ARHGAP10: variants seen among roughly 807,000 people sequenced by gnomAD.
The protein encoded by ARHGAP10 is rho GTPase-activating protein 10.
Under a neutral mutation model 108.6 loss-of-function variants are expected in ARHGAP10, and 87 were observed. The ratio of observed to expected loss-of-function variants is 0.80; its 90% CI spans 0.67 to 0.96. The LOEUF (loss-of-function observed/expected upper bound fraction) is 0.96. Among genes scored for constraint, ARHGAP10 ranks in the 40% least tolerant of loss-of-function variants. The probability of loss-of-function intolerance (pLI) is 0.00; values close to 1 mark genes in which losing one functional copy is unlikely to be tolerated. For missense variants in ARHGAP10, 939 were observed against 954.5 expected (o/e 0.98, Z 0.21); for synonymous variants, 347 against 341.1 (o/e 1.02, Z -0.19).
At chr4:147,837,837 G>A (rs1288992909) in intron 3 of ARHGAP10, among the ~76,000 whole-genome samples, 1 of 151,874 alleles carries the variant, frequency 6.6e-6, no homozygotes, top group East Asian at 1.9e-4. Flanking sequence ...GGGGTTTCAA[G>A]TGCTGGGCAG....
intron 1 of ARHGAP10, among the ~76,000 whole-genome samples, chr4:147,811,905 A>G (rs1008412014): frequency 1.3e-5 from 2 of 152,216 alleles, no homozygotes; most frequent in Non-Finnish European, 2.9e-5. Context: ...GGGCACTTTT[A>G]AAAGTCAAGG....
At chr4:147,851,645 G>A (rs1414219859) in intron 4 of ARHGAP10, among the ~76,000 whole-genome samples, 4 of 152,138 alleles carry the variant, frequency 2.6e-5, no homozygotes, top group African/African-American at 9.7e-5. Context: ...TATTGATTTA[G>A]TTTAATTACA....
intron 1 of ARHGAP10, among the ~76,000 whole-genome samples, chr4:147,816,390 T>A (rs951038753): frequency 1.8e-4 from 28 of 152,364 alleles, no homozygotes; most frequent in Middle Eastern, 6.8e-3. Flanking sequence ...TTTTGGGGCC[T>A]ATGCACCTTT....
chr4:148,064,608 CGAGTCTCCCCCTTGATGCTTTG>C (rs1729780764), intron 22 of ARHGAP10, 101 bp downstream of exon 22: 2 of 1,004,980 alleles, frequency 2.0e-6, no homozygotes, highest in Admixed American at 4.4e-5. Flanking sequence ...GTCGGGAGGG[CGAGTCTCCCCCTTGATGCTTTG>C]GACTGGATTA....
intron 19 of ARHGAP10, among the ~76,000 whole-genome samples, chr4:148,029,659 T>G (rs1487182739): frequency 9.9e-5 from 15 of 152,222 alleles, no homozygotes; most frequent in Non-Finnish European, 2.2e-4. Context: ...TTCTCCATGC[T>G]TACCAATTTT....
intron 4 of ARHGAP10, among the ~76,000 whole-genome samples, chr4:147,855,777 C>T (rs773381811): frequency 1.3e-5 from 2 of 151,044 alleles, no homozygotes; most frequent in African/African-American, 2.4e-5. Context: ...AGTCTCTCCT[C>T]CTCCATCAGT....
chr4:147,958,947 A>G (rs1322243556), intron 16 of ARHGAP10, among the ~76,000 whole-genome samples: 2 of 152,150 alleles, frequency 1.3e-5, no homozygotes, highest in African/African-American at 4.8e-5. Flanking sequence ...CACTACAGTA[A>G]GCTCCTAATT....
chr4:148,028,618 AC>A (rs1210268264), intron 19 of ARHGAP10, among the ~76,000 whole-genome samples: 4 of 152,194 alleles, frequency 2.6e-5, no homozygotes, highest in African/African-American at 9.7e-5. Flanking sequence ...GATAAGAGGA[AC>A]CACTGAATAT....
At chr4:148,053,214 C>T (rs980696220) in intron 20 of ARHGAP10, among the ~76,000 whole-genome samples, 1 of 152,146 alleles carries the variant, frequency 6.6e-6, no homozygotes, top group Admixed American at 6.5e-5. Flanking sequence ...CATGTGTCTG[C>T]CCAGTGACTT....
chr4:147,782,157 T>C (rs1730562810), intron 1 of ARHGAP10, among the ~76,000 whole-genome samples: 1 of 152,230 alleles, frequency 6.6e-6, no homozygotes, highest in African/African-American at 2.4e-5. Flanking sequence ...GCAGAGAGAC[T>C]GAATCATACT....
chr4:147,884,256 A>T (rs541633766), intron 10 of ARHGAP10, among the ~76,000 whole-genome samples: 2 of 152,226 alleles, frequency 1.3e-5, no homozygotes, highest in African/African-American at 2.4e-5. Flanking sequence ...CCTAGCTATG[A>T]TTGGAACCAC....
rs138632418 is a variant in ARHGAP10, at chr4:147,976,984, T to C, written c.1716+10145T>C. ...CACTAGAAAGAAGAACTTCGTAATATTTATAATAATGAGAACATGTTCATG... is the reference window on the plus strand; with the variant it reads ...CACTAGAAAGAAGAACTTCGTAATACTTATAATAATGAGAACATGTTCATG... On this transcript the variant is annotated intron_variant, in intron 18 of 22. Coordinates refer to ENST00000336498, the MANE Select transcript of ARHGAP10 (RefSeq NM_024605.4). 3.6e-3 allele frequency among the ~76,000 whole-genome samples: 543 copies of C among 152,278 alleles called. 3 individuals carry two copies. The highest frequency in any genetic ancestry group is 0.013 in the African/African-American group (522 of 41,562).
At chr4:147,800,673 G>A (rs912002872) in intron 1 of ARHGAP10, among the ~76,000 whole-genome samples, 8 of 152,038 alleles carry the variant, frequency 5.3e-5, no homozygotes, top group Admixed American at 1.3e-4. Context: ...GTCACAAACT[G>A]GTTTGTTTTC....
At chr4:148,021,488 C>A (rs1741565428) in intron 18 of ARHGAP10, among the ~76,000 whole-genome samples, 1 of 152,206 alleles carries the variant, frequency 6.6e-6, no homozygotes, top group Non-Finnish European at 1.5e-5. Context: ...CTGGTGACAT[C>A]CTAGAGGCAT....
intron 18 of ARHGAP10, among the ~76,000 whole-genome samples, chr4:147,978,862 T>C (rs1235594508): frequency 1.3e-5 from 2 of 152,254 alleles, no homozygotes; most frequent in Non-Finnish European, 2.9e-5. Flanking sequence ...GTCCGTCTTC[T>C]TTTGAGATGT....
intron 15 of ARHGAP10, 149 bp downstream of exon 15, chr4:147,946,853 AG>A: frequency 1.9e-6 from 1 of 527,134 alleles, no homozygotes; most frequent in Middle Eastern, 4.3e-4. Flanking sequence ...TGTCCCAGAA[AG>A]AAAGGTAACT....
intron 3 of ARHGAP10, among the ~76,000 whole-genome samples, chr4:147,839,283 C>T (rs903765889): frequency 3.3e-5 from 5 of 152,108 alleles, no homozygotes; most frequent in African/African-American, 9.7e-5. Flanking sequence ...AGAATTTTCC[C>T]TTTAGTTTAA....
intron 18 of ARHGAP10, among the ~76,000 whole-genome samples, chr4:148,006,534 G>C (rs1038629363): frequency 1.3e-5 from 2 of 152,154 alleles, no homozygotes; most frequent in Non-Finnish European, 2.9e-5. Flanking sequence ...TGCCACTGTG[G>C]AGCATTAGAG....
chr4:147,922,005 G>T (rs1737250273), intron 13 of ARHGAP10, among the ~76,000 whole-genome samples: 1 of 152,072 alleles, frequency 6.6e-6, no homozygotes, highest in African/African-American at 2.4e-5. Flanking sequence ...AATGGGCTTG[G>T]CCTTCTCCCC....
Sources: gnomAD v4.1 joint callset for allele counts (sites outside exome capture counted in the v4.1 genomes callset) on GRCh38, gnomAD v4.1.1 for gene constraint, MANE v1.5 for transcripts, NCBI Gene and HGNC (gene_info 2026-07-23, HGNC 2026-07-21) for gene names.